Variants in ELF4 observed in about 807,000 individuals in gnomAD.
ELF4 encodes the protein E74 like ETS transcription factor 4.
A neutral mutation model predicts 31.7 loss-of-function variants in ELF4; 10 were observed. The observed-to-expected ratio is 0.32, with a 90% CI of 0.19 to 0.54. ELF4 has a LOEUF of 0.54. Ranked by LOEUF, ELF4 falls within the 20% of genes least tolerant of loss-of-function variation. The pLI, the probability that ELF4 is intolerant of heterozygous loss-of-function variation, is 0.95. For synonymous variants in ELF4, 208 were observed against 226.7 expected, an observed-to-expected ratio of 0.92 and a Z score of 0.74; for missense variants, 418 against 522.0, an observed-to-expected ratio of 0.80 and a Z score of 1.94.
At chrX:130,070,946 C>G (rs1839175878) in intron 7 of ELF4, 94 bp downstream of exon 7, 1 of 1,118,555 alleles carries the variant, frequency 8.9e-7, no homozygotes, top group East Asian at 3.0e-5. Context: ...TAGGATCAAT[C>G]AGGTCTCCAT....
intron 8 of ELF4, among the ~76,000 whole-genome samples, chrX:130,068,918 G>A (rs1932750983): frequency 8.9e-6 from 1 of 112,059 alleles, no homozygotes. Context: ...AGTAGAGCTT[G>A]GCAAGAAGTT....
intron 1 of ELF4, among the ~76,000 whole-genome samples, chrX:130,085,353 G>A (rs1219447029): frequency 8.9e-6 from 1 of 112,022 alleles, no homozygotes; most frequent in Non-Finnish European, 1.9e-5. Flanking sequence ...ACACACCTCT[G>A]TGGCTCTGAC....
At chrX:130,104,521 A>G (rs1933342331) in intron 1 of ELF4, among the ~76,000 whole-genome samples, 1 of 111,726 alleles carries the variant, frequency 9.0e-6, no homozygotes, top group Non-Finnish European at 1.9e-5. Flanking sequence ...TAACTGTCAC[A>G]GGAATAATAA....
At chrX:130,078,874 C>T (rs1248718729) in intron 2 of ELF4, among the ~76,000 whole-genome samples, 1 of 109,197 alleles carries the variant, frequency 9.2e-6, no homozygotes, top group East Asian at 2.9e-4. Flanking sequence ...GGGAAGATCA[C>T]CTGAGCCTGG....
chrX:130,087,624 C>T lies in ELF4; in HGVS notation c.-209-6085G>A, dbSNP rs1932981399. Among the ~76,000 whole-genome samples the T allele has an allele frequency of 2.7e-5, 3 of 111,531 alleles. No homozygotes were observed. In the Admixed American group the frequency reaches 2.9e-4, roughly 11 times the overall value. On this transcript the variant is annotated intron_variant, in intron 1 of 8. Coordinates refer to ENST00000308167, the MANE Select transcript of ELF4 (RefSeq NM_001421.4). ...CTGGGATTATAGGTGTGTGCCACCA[C>T]GCCCGGCTATTTTTTTTATTTTTAA...
chrX:130,084,116 G>A (rs1932928117), intron 1 of ELF4, among the ~76,000 whole-genome samples: 1 of 112,425 alleles, frequency 8.9e-6, no homozygotes, highest in Non-Finnish European at 1.9e-5. Flanking sequence ...GTGTGTGCAT[G>A]TGTCCCAAGC....
chrX:130,072,916 TTCAGC>T (rs71954850), intron 4 of ELF4, among the ~76,000 whole-genome samples: 24,179 of 109,436 alleles, frequency 0.22, 2,255 homozygotes, highest in Admixed American at 0.36. Context: ...TCTCTCAGAT[TTCAGC>T]TTTATGGCTT....
intron 1 of ELF4, among the ~76,000 whole-genome samples, chrX:130,095,073 G>A (rs1400933013): frequency 9.0e-6 from 1 of 111,321 alleles, no homozygotes; most frequent in Admixed American, 9.6e-5. Flanking sequence ...ATTTTCTTTT[G>A]CGCTCTCTGA....
At chrX:130,102,467 T>C (rs1336336794) in intron 1 of ELF4, among the ~76,000 whole-genome samples, 1 of 111,124 alleles carries the variant, frequency 9.0e-6, no homozygotes, top group Non-Finnish European at 1.9e-5. Flanking sequence ...AGACTGATGA[T>C]AGCTTTTTCA....
intron 1 of ELF4, among the ~76,000 whole-genome samples, chrX:130,105,685 ATC>A (rs1171351661): frequency 9.0e-6 from 1 of 111,174 alleles, no homozygotes; most frequent in African/African-American, 3.3e-5. Context: ...AATTATGAAA[ATC>A]TCTTTCCTCC....
At chrX:130,090,730 C>T (rs764157442) in intron 1 of ELF4, among the ~76,000 whole-genome samples, 15 of 112,367 alleles carry the variant, frequency 1.3e-4, no homozygotes, top group African/African-American at 3.9e-4. Context: ...TTTTAGACGG[C>T]CCATGAGCTA....
rs1362093242 is a variant in ELF4 at position 130,065,080 on chromosome X, AAGAAG to A, written c.*1636_*1640del. On this transcript the variant is annotated 3_prime_UTR_variant, in exon 9 of 9. Transcript: ENST00000308167. The stretch of plus-strand genomic sequence containing the variant: ...GAGGGTGATAGTTGTTGGCTTAACA[AAGAAG>A]AGAAGAGCGAGAGCGCGGCCAGGGG... The A allele has an allele frequency of 1.2e-5, 2 of 173,209 alleles. No homozygotes were observed. Among genetic ancestry groups the A allele is most frequent in the African/African-American group, 5.9e-5 (2 of 33,826 alleles). 14.3% of individuals were successfully genotyped at this position (173,209 alleles called of 1,213,427 possible).
chrX:130,085,508 T>G (rs1932948051), intron 1 of ELF4, among the ~76,000 whole-genome samples: 2 of 111,923 alleles, frequency 1.8e-5, no homozygotes, highest in African/African-American at 3.2e-5. Flanking sequence ...TGGGCCTCCC[T>G]TACAGGAAAT....
intron 1 of ELF4, among the ~76,000 whole-genome samples, chrX:130,089,301 G>A (rs112119696): frequency 0.027 from 2,892 of 106,845 alleles, 45 homozygotes; most frequent in Middle Eastern, 0.047. Flanking sequence ...TCAGGAGTTC[G>A]AGACCAGCCT....
chrX:130,092,905 A>G (rs1229256692), intron 1 of ELF4, among the ~76,000 whole-genome samples: 1 of 111,097 alleles, frequency 9.0e-6, no homozygotes, highest in Non-Finnish European at 1.9e-5. Flanking sequence ...TGGGAATACC[A>G]AAATCCATGC....
At chrX:130,103,398 A>G (rs1313096482) in intron 1 of ELF4, among the ~76,000 whole-genome samples, 1 of 112,721 alleles carries the variant, frequency 8.9e-6, no homozygotes, top group Non-Finnish European at 1.9e-5. Context: ...ACCTCAACAA[A>G]GAAGACATAT....
rs762769385 is a variant in ELF4 at position 130,100,642 on chromosome X, C to T, written c.-210+9683G>A. On this transcript the variant is annotated intron_variant, in intron 1 of 8. Transcript: ENST00000308167. ...GGAGCTGGTTGTACCCTCATAATTACGGTCTGCACCCATGGAACCCCCTTC... is the reference window on the plus strand; with the variant it reads ...GGAGCTGGTTGTACCCTCATAATTATGGTCTGCACCCATGGAACCCCCTTC... Among the ~76,000 whole-genome samples the T allele has an allele frequency of 1.7e-3, 188 of 111,965 alleles. 1 individual carries two copies. Among genetic ancestry groups the T allele is most frequent in the African/African-American group, 6.0e-3 (184 of 30,835 alleles).
At chrX:130,095,238 G>A (rs972928327) in intron 1 of ELF4, among the ~76,000 whole-genome samples, 3 of 112,207 alleles carry the variant, frequency 2.7e-5, no homozygotes, top group African/African-American at 9.7e-5. Flanking sequence ...GGCAGAGCCG[G>A]GGTTTGAACC....
chrX:130,086,902 C>G (rs1932970211), intron 1 of ELF4, among the ~76,000 whole-genome samples: 1 of 111,624 alleles, frequency 9.0e-6, no homozygotes, highest in Non-Finnish European at 1.9e-5. Flanking sequence ...CTTGCCTGGG[C>G]TGGGGACCTG....
Sources: allele counts gnomAD v4.1 joint callset (sites outside exome capture counted in the v4.1 genomes callset), GRCh38; gene constraint gnomAD v4.1.1; transcripts MANE v1.5; gene names NCBI Gene and HGNC (gene_info 2026-07-23, HGNC 2026-07-21).